Variants in NFIA observed in about 807,000 individuals in gnomAD.
The protein encoded by NFIA is nuclear factor 1 A-type.
NFIA carries 8 observed loss-of-function variants against 62.8 expected under a neutral mutation model. The ratio of observed to expected loss-of-function variants is 0.13; its 90% CI spans 0.07 to 0.23. NFIA has a LOEUF of 0.23. Ranked by LOEUF, NFIA falls within the 10% of genes least tolerant of loss-of-function variation. The pLI, the probability that NFIA is intolerant of heterozygous loss-of-function variation, is 1.00. For synonymous variants in NFIA, 235 were observed against 238.1 expected, an observed-to-expected ratio of 0.99 and a Z score of 0.12; for missense variants, 410 against 642.1, an observed-to-expected ratio of 0.64 and a Z score of 3.91.
chr1:61,174,018 C>T (rs1425622147), intron 2 of NFIA, among the ~76,000 whole-genome samples: 11 of 152,106 alleles, frequency 7.2e-5, no homozygotes, highest in Admixed American at 3.9e-4. Context: ...GTAGAGGTGA[C>T]GAGAGAAGTG....
At chr1:61,177,847 A>AT (rs1650495893) in intron 2 of NFIA, among the ~76,000 whole-genome samples, 1 of 152,048 alleles carries the variant, frequency 6.6e-6, no homozygotes, top group South Asian at 2.1e-4. Context: ...TGCAAACTTT[A>AT]TTTTTTGCCT....
At chr1:61,241,216 A>G (rs372494991) in intron 2 of NFIA, among the ~76,000 whole-genome samples, 10 of 152,242 alleles carry the variant, frequency 6.6e-5, no homozygotes, top group African/African-American at 2.4e-4. Flanking sequence ...GTTGATGTCA[A>G]TCGTGGCTGT....
intron 2 of NFIA, among the ~76,000 whole-genome samples, chr1:61,128,074 G>A (rs1647006442): frequency 6.6e-6 from 1 of 152,096 alleles, no homozygotes; most frequent in Admixed American, 6.6e-5. Flanking sequence ...GCCTAAAAAT[G>A]CGCTTGTACT....
chr1:61,232,851 T>TA (rs1403506913), intron 2 of NFIA, among the ~76,000 whole-genome samples: 1 of 152,176 alleles, frequency 6.6e-6, no homozygotes, highest in Non-Finnish European at 1.5e-5. Flanking sequence ...TGTGGGTACT[T>TA]ACGTCACCCC....
chr1:61,380,816 G>A (rs142999292), intron 6 of NFIA, among the ~76,000 whole-genome samples: 5 of 151,998 alleles, frequency 3.3e-5, no homozygotes, highest in African/African-American at 1.2e-4. Flanking sequence ...TATTTCTTCC[G>A]TCTTTAACCC....
At chr1:61,193,437 G>A (rs1651779629) in intron 2 of NFIA, among the ~76,000 whole-genome samples, 2 of 152,326 alleles carry the variant, frequency 1.3e-5, no homozygotes, top group Middle Eastern at 6.8e-3. Flanking sequence ...TCTCTCTGGT[G>A]TTCTGTTTCT....
chr1:61,332,729 T>C (rs1661362656), intron 4 of NFIA, 143 bp downstream of exon 4: 1 of 630,074 alleles, frequency 1.6e-6, no homozygotes, highest in Admixed American at 3.3e-5. Flanking sequence ...ACAGTTTGTT[T>C]GACAACCAAG....
intron 3 of NFIA, among the ~76,000 whole-genome samples, chr1:61,307,759 G>A (rs1007007788): frequency 2.6e-5 from 4 of 152,266 alleles, no homozygotes; most frequent in Middle Eastern, 3.4e-3. Flanking sequence ...GAATCTTTAG[G>A]AGATCCATTT....
intron 2 of NFIA, among the ~76,000 whole-genome samples, chr1:61,112,320 T>C (rs1045276141): frequency 2.0e-5 from 3 of 152,130 alleles, no homozygotes; most frequent in African/African-American, 7.2e-5. Flanking sequence ...CCTAAAGTAA[T>C]GATAACAAGA....
intron 2 of NFIA, among the ~76,000 whole-genome samples, chr1:61,203,456 C>G (rs1280363039): frequency 6.6e-6 from 1 of 152,150 alleles, no homozygotes; most frequent in Non-Finnish European, 1.5e-5. Context: ...GCCCTCCTCC[C>G]CCTTTTCTAT....
At chr1:61,284,551 G>A (rs961947113) in intron 3 of NFIA, among the ~76,000 whole-genome samples, 5 of 149,698 alleles carry the variant, frequency 3.3e-5, no homozygotes, top group Non-Finnish European at 7.4e-5. Flanking sequence ...TACTTAAGGC[G>A]CCTTTTCAAC....
At chr1:61,445,298 A>G (rs931692259) in intron 10 of NFIA, among the ~76,000 whole-genome samples, 3 of 152,138 alleles carry the variant, frequency 2.0e-5, no homozygotes, top group African/African-American at 7.2e-5. Context: ...TAGGATCTTC[A>G]CCTTGCACAA....
rs376568377 is a variant in NFIA, at chr1:61,394,095, A to T, written c.1076-10009A>T. 4.6e-5 allele frequency among the ~76,000 whole-genome samples: 7 copies of T among 152,194 alleles called. No homozygotes were observed. The East Asian group carries it at 1.2e-3, about 25-fold the overall frequency. ...TCTCAACACATTTGTTGAATGAGTG[A>T]TCCTACTATGAATGAGGCACCTGTG... is the stretch of plus-strand genomic sequence containing the variant. On this transcript the variant is annotated intron_variant, in intron 7 of 10. Coordinates refer to ENST00000403491, the MANE Select transcript of NFIA (RefSeq NM_001134673.4).
intron 2 of NFIA, among the ~76,000 whole-genome samples, chr1:61,160,724 T>TTA (rs1649138289): frequency 1.3e-5 from 2 of 152,226 alleles, no homozygotes; most frequent in African/African-American, 4.8e-5. Flanking sequence ...CTAATGCAGA[T>TTA]GACTGTACAC....
At chr1:61,133,511 T>C (rs186527114) in intron 2 of NFIA, among the ~76,000 whole-genome samples, 1 of 152,282 alleles carries the variant, frequency 6.6e-6, no homozygotes, top group East Asian at 1.9e-4. Context: ...GAACAGTGCC[T>C]GACATACAAC....
intron 10 of NFIA, among the ~76,000 whole-genome samples, chr1:61,447,673 C>T (rs542814024): frequency 1.3e-5 from 2 of 152,238 alleles, no homozygotes; most frequent in East Asian, 1.9e-4. Context: ...GCTTCCGTGG[C>T]GCAGGCTCAA....
At chr1:61,303,669 A>G (rs149419172) in intron 3 of NFIA, among the ~76,000 whole-genome samples, 2 of 152,344 alleles carry the variant, frequency 1.3e-5, no homozygotes, top group African/African-American at 4.8e-5. Flanking sequence ...CTTCAGCAGC[A>G]TAAGAATCAC....
intron 9 of NFIA, among the ~76,000 whole-genome samples, chr1:61,409,304 T>G (rs1665991057): frequency 6.6e-6 from 1 of 152,256 alleles, no homozygotes; most frequent in African/African-American, 2.4e-5. Flanking sequence ...TTATCATCAT[T>G]CATTTTAGCC....
In NFIA at chr1:61,201,016, A is replaced by G. The variant is rs185757731; in HGVS notation, c.560-76504A>G. Among the ~76,000 whole-genome samples, 496 of 149,590 alleles carry G rather than the reference A, an allele frequency of 3.3e-3. 4 individuals are homozygous for G. Among genetic ancestry groups the G allele is most frequent in the African/African-American group, 0.011 (468 of 40,946 alleles). Reference sequence around the variant, plus strand: ...CTGTAGGGTTGCTGAAACACAGCAAAGTGTAAAAGGGAAAACAACGACTCC... The same window carrying G: ...CTGTAGGGTTGCTGAAACACAGCAAGGTGTAAAAGGGAAAACAACGACTCC... On this transcript the variant is annotated intron_variant, in intron 2 of 10. Coordinates refer to ENST00000403491, the MANE Select transcript of NFIA (RefSeq NM_001134673.4).
Sources: allele counts gnomAD v4.1 joint callset (sites outside exome capture counted in the v4.1 genomes callset), GRCh38; gene constraint gnomAD v4.1.1; transcripts MANE v1.5; gene names NCBI Gene and HGNC (gene_info 2026-07-23, HGNC 2026-07-21).